Variants in ZNF652 observed in about 807,000 individuals in gnomAD.
ZNF652 encodes the protein zinc finger protein 652.
A neutral mutation model predicts 45.2 loss-of-function variants in ZNF652; 16 were observed. That is an observed-to-expected ratio of 0.35 (90% CI 0.24 to 0.54). The LOEUF (loss-of-function observed/expected upper bound fraction) is 0.54. Among genes scored for constraint, ZNF652 ranks in the 20% least tolerant of loss-of-function variants. ZNF652 has a pLI of 0.91. For synonymous variants in ZNF652, 250 were observed against 260.6 expected, an observed-to-expected ratio of 0.96 and a Z score of 0.39; for missense variants, 614 against 765.6, an observed-to-expected ratio of 0.80 and a Z score of 2.34.
intron 2 of ZNF652, among the ~76,000 whole-genome samples, chr17:49,315,775 G>T (rs2069794759): frequency 6.6e-6 from 1 of 152,118 alleles, no homozygotes; most frequent in Admixed American, 6.6e-5. Context: ...TTTACCCAGC[G>T]TGTTGGAGAT....
At chr17:49,360,854 C>T (rs902478453) in intron 1 of ZNF652, among the ~76,000 whole-genome samples, 4 of 152,170 alleles carry the variant, frequency 2.6e-5, no homozygotes, top group Admixed American at 6.5e-5. Flanking sequence ...CTTGCACACA[C>T]CATATCTAAT....
intron 5 of ZNF652, among the ~76,000 whole-genome samples, chr17:49,307,382 GA>G (rs1216141460): frequency 7.3e-6 from 1 of 137,102 alleles, no homozygotes; most frequent in Non-Finnish European, 1.5e-5. Context: ...AGTGAACCGA[GA>G]TCGGGCCATT....
At chr17:49,348,256 TGAG>T (rs2070228071) in intron 1 of ZNF652, among the ~76,000 whole-genome samples, 1 of 151,846 alleles carries the variant, frequency 6.6e-6, no homozygotes. Context: ...TTTGGGAGGC[TGAG>T]GTGAGAGAAT....
chr17:49,346,259 A>C (rs1266116246), intron 1 of ZNF652, among the ~76,000 whole-genome samples: 1 of 152,232 alleles, frequency 6.6e-6, no homozygotes, highest in African/African-American at 2.4e-5. Context: ...TATTTATAAA[A>C]AAACAAACAG....
chr17:49,342,885 ATTTTTTT>A, intron 1 of ZNF652, among the ~76,000 whole-genome samples: 1 of 142,146 alleles, frequency 7.0e-6, no homozygotes, highest in East Asian at 2.0e-4. Flanking sequence ...TCCACATAGA[ATTTTTTT>A]TTTTTTTTTG....
intron 1 of ZNF652, among the ~76,000 whole-genome samples, chr17:49,351,813 A>G (rs1203381092): frequency 6.6e-6 from 1 of 152,046 alleles, no homozygotes; most frequent in Non-Finnish European, 1.5e-5. Flanking sequence ...GTGAGAGCCC[A>G]CCTATACAGG....
intron 1 of ZNF652, among the ~76,000 whole-genome samples, chr17:49,330,199 T>C (rs1428430954): frequency 2.6e-5 from 4 of 152,150 alleles, no homozygotes; most frequent in African/African-American, 9.7e-5. Context: ...CAGAAGAACA[T>C]ATTTACAAGA....
At chr17:49,312,553 ATACT>A in intron 3 of ZNF652, 141 bp downstream of exon 3, 1 of 792,508 alleles carries the variant, frequency 1.3e-6, no homozygotes, top group Non-Finnish European at 2.0e-6. Context: ...CAATTTGGTG[ATACT>A]TACTGAAGAC....
chr17:49,298,605 G>A lies in ZNF652; in HGVS notation c.1629C>T (p.Ile543=), dbSNP rs759852631. The A allele has an allele frequency of 1.9e-6, 3 of 1,611,730 alleles. No homozygotes were observed. In the South Asian group the frequency reaches 3.3e-5, roughly 18 times the overall value. The part of the protein sequence containing the change: ...NPVSTLPPRP[I]PHPFSHLHIH... The stretch of plus-strand genomic sequence containing the variant: ...TGTGCAGGTGTGAGAAGGGGTGGGG[G>A]ATGGGCCGAGGGGGAAGAGTGCTTA... The change falls in exon 6 of 6, where the codon ATC becomes ATT. Residue 543 remains isoleucine, a synonymous_variant. Coordinates refer to ENST00000430262, the MANE Select transcript of ZNF652 (RefSeq NM_001145365.3).
chr17:49,299,040 T>C, intron 5 of ZNF652, 116 bp from the exon 6 acceptor site: 1 of 1,156,136 alleles, frequency 8.6e-7, no homozygotes, highest in East Asian at 2.6e-5. Flanking sequence ...GGTCTCGAAC[T>C]CCTGGCCTCA....
At chr17:49,348,035 C>T (rs2070225070) in intron 1 of ZNF652, among the ~76,000 whole-genome samples, 1 of 151,938 alleles carries the variant, frequency 6.6e-6, no homozygotes, top group Admixed American at 6.6e-5. Context: ...TGTGAGCCAC[C>T]ACACCCTACC....
rs1181401090 is a variant in ZNF652, at chr17:49,347,740, GTTTT to G, written c.-259+14165_-259+14168del. On this transcript the variant is annotated intron_variant, in intron 1 of 5. Coordinates refer to ENST00000430262, the MANE Select transcript of ZNF652 (RefSeq NM_001145365.3). ...GCAAGAAAAATTGAACCTTGGTTTTGTTTTTTTTTTTTTTTTTTTTTTTGAGACA... is the reference window on the plus strand; with the variant it reads ...GCAAGAAAAATTGAACCTTGGTTTTGTTTTTTTTTTTTTTTTTTTGAGACA... Among the ~76,000 whole-genome samples, 105 of 81,208 alleles carry G rather than the reference GTTTT, an allele frequency of 1.3e-3. 7 individuals carry two copies. The highest frequency in any genetic ancestry group is 3.0e-3 in the African/African-American group (63 of 21,106). 53.3% of individuals were successfully genotyped at this position (81,208 alleles called of 152,430 possible). A position where few individuals can be genotyped will look rare whatever the true frequency, so the allele number is the denominator to read the frequency against.
At chr17:49,303,993 A>T (rs2069590780) in intron 5 of ZNF652, among the ~76,000 whole-genome samples, 1 of 150,614 alleles carries the variant, frequency 6.6e-6, no homozygotes, top group African/African-American at 2.4e-5. Context: ...GGTTCATGCC[A>T]TTCTCCTGCC....
chr17:49,323,070 T>C (rs2069915869), intron 1 of ZNF652, among the ~76,000 whole-genome samples: 1 of 152,206 alleles, frequency 6.6e-6, no homozygotes, highest in Non-Finnish European at 1.5e-5. Flanking sequence ...ATTTGCTGCA[T>C]TAACTTATTC....
chr17:49,343,657 CT>C (rs74399807), intron 1 of ZNF652, among the ~76,000 whole-genome samples: 409 of 143,004 alleles, frequency 2.9e-3, no homozygotes, highest in Middle Eastern at 7.2e-3. Context: ...AAAAAAATAA[CT>C]TTTTTTTTTT....
In ZNF652 at chr17:49,297,460, G is replaced by A; in HGVS notation, c.*953C>T. 1 of 152,516 alleles carries A rather than the reference G, an allele frequency of 6.6e-6. No individual in the cohort carries two copies. 9.4% of individuals were successfully genotyped at this position (152,516 alleles called of 1,614,324 possible). On this transcript the variant is annotated 3_prime_UTR_variant, in exon 6 of 6. Transcript: ENST00000430262. ...CCCCATCCCCTGCAAATCATTTCAT[G>A]TAATGCACTAACGAAGCCAAGCAGA...
At chr17:49,324,091 C>T (rs1014777060) in intron 1 of ZNF652, among the ~76,000 whole-genome samples, 1 of 152,232 alleles carries the variant, frequency 6.6e-6, no homozygotes, top group Non-Finnish European at 1.5e-5. Context: ...ATTTTGTCTA[C>T]ACCAGAAAAT....
At chr17:49,351,971 G>C (rs1352106044) in intron 1 of ZNF652, among the ~76,000 whole-genome samples, 1 of 152,152 alleles carries the variant, frequency 6.6e-6, no homozygotes, top group Non-Finnish European at 1.5e-5. Flanking sequence ...ACTCCAGCCT[G>C]GGTGACAGCG....
intron 1 of ZNF652, among the ~76,000 whole-genome samples, chr17:49,332,752 T>C (rs1295496533): frequency 6.6e-6 from 1 of 152,340 alleles, no homozygotes; most frequent in South Asian, 2.1e-4. Context: ...AGTGCTGAGA[T>C]TACAGGTGTG....
Sources: allele counts gnomAD v4.1 joint callset (sites outside exome capture counted in the v4.1 genomes callset), GRCh38; gene constraint gnomAD v4.1.1; transcripts MANE v1.5; gene names NCBI Gene and HGNC (gene_info 2026-07-23, HGNC 2026-07-21).